Variants in ITGA8 observed in about 807,000 individuals in gnomAD.
ITGA8 encodes the protein integrin subunit alpha 8, also known as integrin alpha-8.
Under a neutral mutation model 142.3 loss-of-function variants are expected in ITGA8, and 91 were observed. The ratio of observed to expected loss-of-function variants is 0.64; its 90% CI spans 0.54 to 0.76. The LOEUF is 0.76. ITGA8 is among the 30% of genes least tolerant of loss of function. ITGA8 has a pLI of 0.00. For missense variants in ITGA8, 1,406 were observed against 1,327.7 expected, an observed-to-expected ratio of 1.06 and a Z score of -0.92; for synonymous variants, 505 against 485.2, an observed-to-expected ratio of 1.04 and a Z score of -0.54.
At chr10:15,624,982 G>A (rs1364315380) in intron 13 of ITGA8, among the ~76,000 whole-genome samples, 2 of 151,944 alleles carry the variant, frequency 1.3e-5, no homozygotes, top group Non-Finnish European at 2.9e-5. Context: ...TTTGGCAAAC[G>A]TGTTAATCTA....
At chr10:15,594,363 T>C (rs1832978395) in intron 21 of ITGA8, among the ~76,000 whole-genome samples, 1 of 152,120 alleles carries the variant, frequency 6.6e-6, no homozygotes, top group African/African-American at 2.4e-5. Context: ...TTTTTACCAC[T>C]CTTCCACCAC....
At chr10:15,688,580 C>G (rs1344377238) in intron 2 of ITGA8, among the ~76,000 whole-genome samples, 1 of 152,136 alleles carries the variant, frequency 6.6e-6, no homozygotes, top group Non-Finnish European at 1.5e-5. Flanking sequence ...CCTTGATAAA[C>G]ATAAGTGCAA....
chr10:15,615,150 T>G (rs918343276), intron 14 of ITGA8, among the ~76,000 whole-genome samples: 1 of 152,162 alleles, frequency 6.6e-6, no homozygotes, highest in African/African-American at 2.4e-5. Flanking sequence ...GGCCTTGGCA[T>G]GAAAGTGGCG....
At chr10:15,645,995 T>C (rs1833975232) in intron 12 of ITGA8, among the ~76,000 whole-genome samples, 1 of 152,192 alleles carries the variant, frequency 6.6e-6, no homozygotes, top group South Asian at 2.1e-4. Flanking sequence ...ACATAACCCA[T>C]GTAGGCTGAT....
intron 27 of ITGA8, among the ~76,000 whole-genome samples, chr10:15,533,221 G>T (rs1833348512): frequency 6.6e-6 from 1 of 152,044 alleles, no homozygotes; most frequent in African/African-American, 2.4e-5. Context: ...ACATGGTAAG[G>T]GCAGGACATA....
At chr10:15,676,730 G>A (rs964779917) in intron 6 of ITGA8, among the ~76,000 whole-genome samples, 7 of 152,160 alleles carry the variant, frequency 4.6e-5, no homozygotes, top group Admixed American at 6.5e-5. Context: ...CAGAGTACAG[G>A]CTGGGCAGTG....
At chr10:15,555,841 A>G (rs184438417) in intron 26 of ITGA8, among the ~76,000 whole-genome samples, 1,911 of 150,738 alleles carry the variant, frequency 0.013, 14 homozygotes, top group Middle Eastern at 0.031. Flanking sequence ...GACTACAGGC[A>G]CCCACCACCA....
chr10:15,575,918 C>T (rs1193951748), intron 23 of ITGA8, among the ~76,000 whole-genome samples: 1 of 150,002 alleles, frequency 6.7e-6, no homozygotes, highest in East Asian at 2.0e-4. Context: ...ATATATACAT[C>T]CATCTATTTC....
At chr10:15,529,079 CCTTT>C (rs1303464872) in intron 28 of ITGA8, among the ~76,000 whole-genome samples, 6 of 148,484 alleles carry the variant, frequency 4.0e-5, no homozygotes, top group Admixed American at 4.0e-4. Flanking sequence ...TTCCTTTCTT[CCTTT>C]CTTTCTTCCC....
chr10:15,590,281 C>T (rs79950379), intron 22 of ITGA8, among the ~76,000 whole-genome samples: 5,052 of 152,220 alleles, frequency 0.033, 291 homozygotes, highest in African/African-American at 0.11. Context: ...ACAGCAAATT[C>T]GGCACTTCAT....
rs570511957 is a variant in ITGA8, at chr10:15,535,056, G to T, written c.2881-3905C>A. On this transcript the variant is annotated intron_variant, in intron 27 of 29. Transcript: ENST00000378076. ...GTGTGAGTTCCGCGGGTGAGTGTGG[G>T]CTATGAGGGGCTTAGCACCCGGGCC... 1.4e-4 allele frequency among the ~76,000 whole-genome samples: 22 copies of T among 152,314 alleles called. 1 individual carries two copies. The highest frequency in any genetic ancestry group is 5.1e-4 in the African/African-American group (21 of 41,562).
chr10:15,548,503 G>A lies in ITGA8; in HGVS notation c.2832C>T (p.Ser944=), dbSNP rs760075840. The change falls in exon 27 of 30, where the codon AGC becomes AGT. Residue 944 remains serine (S), a synonymous_variant. Transcript: ENST00000378076. Reference sequence around the variant, plus strand: ...ATCGTGACCTGACTTTCAGGACTGCGCTTTCTCCTCCTTCGAGTCGTCCCA... The same window carrying A: ...ATCGTGACCTGACTTTCAGGACTGCACTTTCTCCTCCTTCGAGTCGTCCCA... The part of the protein sequence containing the change: ...CAVGRLEGGE[S]AVLKVRSRLW... 4.4e-6 allele frequency: 7 copies of A among 1,601,352 alleles called. No homozygotes were observed. The South Asian group carries it at 7.9e-5, about 18-fold the overall frequency.
intron 27 of ITGA8, among the ~76,000 whole-genome samples, chr10:15,542,154 TA>T (rs1833581225): frequency 6.6e-6 from 1 of 152,216 alleles, no homozygotes; most frequent in African/African-American, 2.4e-5. Flanking sequence ...AAGCTATTAT[TA>T]AACACAGTCC....
intron 13 of ITGA8, among the ~76,000 whole-genome samples, chr10:15,617,372 T>C (rs1434697098): frequency 1.3e-5 from 2 of 151,536 alleles, no homozygotes; most frequent in Non-Finnish European, 2.9e-5. Context: ...ATTTAGGTGA[T>C]TGGCTAACAT....
At chr10:15,550,198 T>G (rs376345776) in intron 26 of ITGA8, among the ~76,000 whole-genome samples, 48 of 152,322 alleles carry the variant, frequency 3.2e-4, no homozygotes, top group African/African-American at 1.1e-3. Context: ...AGATGTGCCT[T>G]CTGCCTTTCA....
chr10:15,676,064 T>C (rs1278661061), intron 6 of ITGA8, among the ~76,000 whole-genome samples: 2 of 152,138 alleles, frequency 1.3e-5, no homozygotes, highest in African/African-American at 4.8e-5. Context: ...CATTCTTTTG[T>C]GAAATTAGCG....
chr10:15,661,104 C>CCA (rs368024444), intron 8 of ITGA8, among the ~76,000 whole-genome samples, 182 bp from the exon 9 acceptor site: 1 of 152,152 alleles, frequency 6.6e-6, no homozygotes, highest in Non-Finnish European at 1.5e-5. Context: ...GGGAGCCCGG[C>CCA]CACACACACA....
At chr10:15,656,142 A>T (rs367552636) in intron 10 of ITGA8, among the ~76,000 whole-genome samples, 1 of 152,110 alleles carries the variant, frequency 6.6e-6, no homozygotes, top group Non-Finnish European at 1.5e-5. Context: ...GAGATATGAC[A>T]TGTGGTACCA....
intron 6 of ITGA8, among the ~76,000 whole-genome samples, chr10:15,675,025 C>G (rs928524760): frequency 2.0e-5 from 3 of 151,648 alleles, no homozygotes; most frequent in Non-Finnish European, 2.9e-5. Flanking sequence ...TAAAAAAATT[C>G]CTCCCTCAAC....
Sources: allele counts gnomAD v4.1 joint callset (sites outside exome capture counted in the v4.1 genomes callset), GRCh38; gene constraint gnomAD v4.1.1; transcripts MANE v1.5; gene names NCBI Gene and HGNC (gene_info 2026-07-23, HGNC 2026-07-21).